RFX6: variants seen among roughly 807,000 people sequenced by gnomAD.
The protein encoded by RFX6 is DNA-binding protein RFX6.
RFX6 carries 50 observed loss-of-function variants against 110.8 expected under a neutral mutation model. The ratio of observed to expected loss-of-function variants is 0.45; its 90% confidence interval spans 0.36 to 0.57. The LOEUF (loss-of-function observed/expected upper bound fraction) is 0.57, where lower values mean the gene tolerates loss of function less well. Ranked by LOEUF, RFX6 falls within the 20% of genes least tolerant of loss-of-function variation. The probability of loss-of-function intolerance (pLI) is 0.00; values close to 1 mark genes in which losing one functional copy is unlikely to be tolerated. For missense variants in RFX6, 990 were observed against 1,127.0 expected, an observed-to-expected ratio of 0.88 and a Z score of 1.74; for synonymous variants, 383 against 411.2, an observed-to-expected ratio of 0.93 and a Z score of 0.83.
At chr6:116,881,197 G>T (rs1356368843) in intron 3 of RFX6, among the ~76,000 whole-genome samples, 3 of 151,978 alleles carry the variant, frequency 2.0e-5, no homozygotes, top group African/African-American at 7.2e-5. Flanking sequence ...AACCTGTGTG[G>T]TTAGGATGGG....
At chr6:116,902,656 A>G (rs1386138403) in intron 6 of RFX6, among the ~76,000 whole-genome samples, 3 of 152,002 alleles carry the variant, frequency 2.0e-5, no homozygotes, top group Non-Finnish European at 4.4e-5. Flanking sequence ...TGAAGTTGAC[A>G]TTATTTCTTA....
chr6:116,919,649 A>G (rs1775549480), intron 11 of RFX6, among the ~76,000 whole-genome samples: 1 of 152,222 alleles, frequency 6.6e-6, no homozygotes, highest in South Asian at 2.1e-4. Flanking sequence ...CTTGAATGCA[A>G]TTAAACATTT....
Position 116,877,306 on chromosome 6 carries a change from T to C in RFX6, c.31T>C (p.Phe11Leu). The C allele has an allele frequency of 6.2e-7, 1 of 1,612,568 alleles. No homozygotes were observed. The highest frequency in any genetic ancestry group is 8.5e-7 in the Non-Finnish European group (1 of 1,179,552). The change falls in exon 1 of 19, where the codon TTC becomes CTC. Residue 11 changes from phenylalanine (F) to leucine (L), a missense_variant. Around this residue, in one of 5 missense-constraint regions of RFX6, gnomAD observed 175 missense variants for 162.3 expected, o/e 1.08. Coordinates refer to ENST00000332958, the MANE Select transcript of RFX6 (RefSeq NM_173560.4). MAKVPELEDT[F>L]LQAQPAPQLS... ...CAAGGTCCCGGAGCTGGAAGACACC[T>C]TCCTGCAGGCGCAGCCTGCGCCCCA...
In RFX6 at chr6:116,893,231, C is replaced by T. The variant is rs186280680; in HGVS notation, c.567-756C>T. On this transcript the variant is annotated intron_variant, in intron 4 of 18. Transcript: ENST00000332958. ...GGACTCTGACTATCCTCACTAAATG[C>T]CCACTATTCCACTAGCATGTGTATA... 1.8e-4 allele frequency among the ~76,000 whole-genome samples: 28 copies of T among 152,264 alleles called. No individual in the cohort carries two copies. The East Asian group carries it at 4.1e-3, about 22-fold the overall frequency.
chr6:116,927,409 C>G lies in RFX6; in HGVS notation c.2268C>G (p.Ser756Arg). ...GSPYNSRPPS[S>R]YGPSLQAQDS... is the part of the protein sequence containing the mutation. ...CATATAACTCCCGGCCACCGTCTAG[C>G]TATGGCCCATCCCTGCAAGCCCAGG... is the stretch of plus-strand genomic sequence containing the variant. Residue 756 changes from serine (S) to arginine (R), a missense_variant, in exon 17 of 19, where the codon AGC becomes AGG. Around this residue, in one of 5 missense-constraint regions of RFX6, gnomAD observed 438 missense variants for 441.9 expected, o/e 0.99. Coordinates refer to ENST00000332958, the MANE Select transcript of RFX6 (RefSeq NM_173560.4). 6.2e-7 allele frequency: 1 copy of G among 1,614,170 alleles called. No individual in the cohort carries two copies. Among genetic ancestry groups the G allele is most frequent in the Non-Finnish European group, 8.5e-7 (1 of 1,180,026 alleles).
At chr6:116,914,525 G>C (rs1224288796) in intron 7 of RFX6, among the ~76,000 whole-genome samples, 7 of 152,088 alleles carry the variant, frequency 4.6e-5, no homozygotes, top group Admixed American at 4.6e-4. Flanking sequence ...ATATGACTTG[G>C]AATAATCTGA....
At chr6:116,929,216 A>T (rs1775828169) in intron 18 of RFX6, among the ~76,000 whole-genome samples, 1 of 152,206 alleles carries the variant, frequency 6.6e-6, no homozygotes, top group Non-Finnish European at 1.5e-5. Context: ...TTACAAAAAA[A>T]ATAGCTGGTA....
Position 116,932,077 on chromosome 6 carries a change from C to A in RFX6, c.*571C>A. ...TCTGTCACATAGCAGCATTCCGATTCTATGTAACTGAATGGAGATGATAAG... is the reference window on the plus strand; with the variant it reads ...TCTGTCACATAGCAGCATTCCGATTATATGTAACTGAATGGAGATGATAAG... On this transcript the variant is annotated 3_prime_UTR_variant, in exon 19 of 19. Coordinates refer to ENST00000332958, the MANE Select transcript of RFX6 (RefSeq NM_173560.4). 6.5e-6 allele frequency: 1 copy of A among 153,208 alleles called. No homozygotes were observed. Among genetic ancestry groups the A allele is most frequent in the Non-Finnish European group, 1.5e-5 (1 of 68,434 alleles). 9.5% of individuals were successfully genotyped at this position (153,208 alleles called of 1,614,324 possible). A position where few individuals can be genotyped will look rare whatever the true frequency, so the allele number is the denominator to read the frequency against.
At chr6:116,918,194 A>G (rs1775512475) in intron 10 of RFX6, 108 bp downstream of exon 10, 3 of 871,138 alleles carry the variant, frequency 3.4e-6, no homozygotes, top group South Asian at 2.8e-5. Flanking sequence ...CAAGAAGACT[A>G]TTTTCTACTT....
At chr6:116,921,136 C>A (rs1168401576) in intron 12 of RFX6, among the ~76,000 whole-genome samples, 1 of 152,266 alleles carries the variant, frequency 6.6e-6, no homozygotes, top group Non-Finnish European at 1.5e-5. Flanking sequence ...CTGCAGCCTC[C>A]TATACACTGG....
chr6:116,908,808 C>T (rs1230814643), intron 6 of RFX6, among the ~76,000 whole-genome samples: 1 of 151,816 alleles, frequency 6.6e-6, no homozygotes, highest in Non-Finnish European at 1.5e-5. Context: ...TAATATACAG[C>T]ATTCTCCTCT....
intron 7 of RFX6, among the ~76,000 whole-genome samples, chr6:116,912,005 T>G (rs1414074356): frequency 6.6e-6 from 1 of 152,178 alleles, no homozygotes; most frequent in African/African-American, 2.4e-5. Flanking sequence ...AAGTATTCTT[T>G]AGAAAGAATG....
At position 116,895,238 on chromosome 6, in the gene RFX6, C is replaced by T. The variant is rs117309016; in HGVS notation, c.672+31C>T. 18,284 of 1,221,998 alleles carry T rather than the reference C, an allele frequency of 0.015. 202 individuals carry two copies. Among genetic ancestry groups the T allele is most frequent in the Middle Eastern group, 0.052 (276 of 5,274 alleles). The allele number at this position is 1,221,998 out of a possible 1,614,324, so 75.7% of individuals were successfully genotyped here. A position where few individuals can be genotyped will look rare whatever the true frequency, so the allele number is the denominator to read the frequency against. On this transcript the variant is annotated intron_variant, in intron 6 of 18. Coordinates refer to ENST00000332958, the MANE Select transcript of RFX6 (RefSeq NM_173560.4). ...AATTATTTTCATCTCTATTTTACAT[C>T]TGCTATAATATGTCTTACAAGCTGA...
At chr6:116,883,016 C>G (rs755200983) in intron 4 of RFX6, among the ~76,000 whole-genome samples, 3 of 152,112 alleles carry the variant, frequency 2.0e-5, no homozygotes, top group Non-Finnish European at 2.9e-5. Flanking sequence ...GTTTCTCATT[C>G]AACAGCTATT....
chr6:116,909,778 G>C (rs1775293789), intron 6 of RFX6, among the ~76,000 whole-genome samples: 1 of 86,404 alleles, frequency 1.2e-5, no homozygotes, highest in Admixed American at 2.0e-4. Flanking sequence ...ACGGAGTCTT[G>C]CTCTGTCACC....
At position 116,911,103 on chromosome 6, in the gene RFX6, G is replaced by T. The variant is rs553695993; in HGVS notation, c.780+61G>T. On this transcript the variant is annotated intron_variant, in intron 7 of 18. Transcript: ENST00000332958. ...ATATGTTGGCTCCATATGTCAATTT[G>T]CTGGGAATTTCATGGTACTGCAGGA... 223 of 1,164,772 alleles carry T rather than the reference G, an allele frequency of 1.9e-4. No homozygotes were observed. The African/African-American group carries it at 3.1e-3, about 16-fold the overall frequency. The allele number at this position is 1,164,772 out of a possible 1,614,324, so 72.2% of individuals were successfully genotyped here. A position where few individuals can be genotyped will look rare whatever the true frequency, so the allele number is the denominator to read the frequency against.
At chr6:116,913,465 C>T (rs1414073696) in intron 7 of RFX6, among the ~76,000 whole-genome samples, 3 of 152,170 alleles carry the variant, frequency 2.0e-5, no homozygotes, top group Admixed American at 6.5e-5. Flanking sequence ...TAGTGTCTCT[C>T]GAGGCAGTTG....
intron 9 of RFX6, among the ~76,000 whole-genome samples, chr6:116,917,658 T>TTTTAAAA (rs1775497031): frequency 6.6e-6 from 1 of 152,140 alleles, no homozygotes; most frequent in African/African-American, 2.4e-5. Context: ...TTTCTCCTCC[T>TTTTAAAA]CATGGTGGAC....
intron 6 of RFX6, among the ~76,000 whole-genome samples, chr6:116,900,235 CTTTTG>C (rs1170587922): frequency 1.3e-5 from 2 of 152,038 alleles, no homozygotes; most frequent in African/African-American, 4.8e-5. Context: ...GCTAATTCTA[CTTTTG>C]TATGGATTTT....
Sources: allele counts gnomAD v4.1 joint callset (sites outside exome capture counted in the v4.1 genomes callset), GRCh38; gene constraint gnomAD v4.1.1; regional missense constraint gnomAD v4.1.1; transcripts MANE v1.5; gene names NCBI Gene and HGNC (gene_info 2026-07-23, HGNC 2026-07-21).